FGFR3: variants seen among roughly 807,000 people sequenced by gnomAD.
The protein encoded by FGFR3 is fibroblast growth factor receptor 3, also known as FGFR-3.
A neutral mutation model predicts 82.9 loss-of-function variants in FGFR3; 25 were observed. The observed-to-expected ratio is 0.30, with a 90% CI of 0.22 to 0.42. The LOEUF (loss-of-function observed/expected upper bound fraction) is 0.42. FGFR3 is among the 10% of genes least tolerant of loss of function. FGFR3 has a pLI of 1.00. For synonymous variants in FGFR3, 620 were observed against 516.0 expected (o/e 1.20, Z -2.73); for missense variants, 1,026 against 1,161.0 (o/e 0.88, Z 1.69).
At position 1,806,603 on chromosome 4, in the gene FGFR3, C is replaced by G. The variant is rs142884145; in HGVS notation, c.2088C>G (p.Pro696=). Residue 696 remains proline (P), a synonymous_variant, in exon 16 of 18, where the codon CCC becomes CCG. Coordinates refer to ENST00000440486, the MANE Select transcript of FGFR3 (RefSeq NM_000142.5). ...TCACGCTGGGGGGCTCCCCGTACCCCGGCATCCCTGTGGAGGAGCTCTTCA... is the reference window on the plus strand; with the variant it reads ...TCACGCTGGGGGGCTCCCCGTACCCGGGCATCCCTGTGGAGGAGCTCTTCA... ...EIFTLGGSPY[P]GIPVEELFKL... is the part of the protein sequence containing the mutation. 1.2e-6 allele frequency: 2 copies of G among 1,613,214 alleles called. No homozygotes were observed. Among genetic ancestry groups the G allele is most frequent in the Non-Finnish European group, 1.7e-6 (2 of 1,179,958 alleles).
Position 1,808,642 on chromosome 4 carries a change from C to T in FGFR3, c.*1380C>T, listed in dbSNP as rs917160699. The T allele has an allele frequency of 2.6e-5, 6 of 231,618 alleles. No homozygotes were observed. Among genetic ancestry groups the T allele is most frequent in the Non-Finnish European group, 5.1e-5 (6 of 116,878 alleles). The allele number at this position is 231,618 out of a possible 1,614,324, so 14.3% of individuals were successfully genotyped here. ...AGAGTTTTATAGCCTGGACTGCTAC[C>T]TTTCAAAGCTTGGAGGGAAGCCGTG... On this transcript the variant is annotated 3_prime_UTR_variant, in exon 18 of 18. Transcript: ENST00000440486.
At chr4:1,804,720 T>A in intron 9 of FGFR3, 104 bp from the exon 10 acceptor site, 1 of 1,455,694 alleles carries the variant, frequency 6.9e-7, no homozygotes, top group Non-Finnish European at 9.4e-7. Flanking sequence ...TCAATGCTGG[T>A]GGAAGTCAGA....
chr4:1,799,952 G>T (rs1577269894), intron 4 of FGFR3, 140 bp downstream of exon 4: 3 of 913,636 alleles, frequency 3.3e-6, no homozygotes, highest in East Asian at 5.2e-5. Flanking sequence ...GTCCCCTCAG[G>T]ATACAGGAGG....
intron 9 of FGFR3, 56 bp downstream of exon 9, chr4:1,804,576 C>A: frequency 6.3e-7 from 1 of 1,598,654 alleles, no homozygotes; most frequent in Non-Finnish European, 8.5e-7. Flanking sequence ...CCTCCTGGAG[C>A]CCCACCTCGG....
chr4:1,797,457 C>T (rs1343759655), intron 2 of FGFR3, among the ~76,000 whole-genome samples: 1 of 152,164 alleles, frequency 6.6e-6, no homozygotes, highest in South Asian at 2.1e-4. Context: ...TGTGGCTGGC[C>T]TGGGGCTGCT....
intron 16 of FGFR3, 67 bp downstream of exon 16, chr4:1,806,750 G>T: frequency 6.3e-7 from 1 of 1,596,298 alleles, no homozygotes; most frequent in East Asian, 2.3e-5. Flanking sequence ...CTGGGCGGGG[G>T]AGGGACTGGC....
Position 1,799,336 on chromosome 4 carries a change from C to T in FGFR3, c.192C>T (p.Pro64=), listed in dbSNP as rs766462409. Residue 64 remains proline, a synonymous_variant, in exon 3 of 18, where the codon CCC becomes CCT. Coordinates refer to ENST00000440486, the MANE Select transcript of FGFR3 (RefSeq NM_000142.5). The part of the protein sequence containing the change: ...GDAVELSCPP[P]GGGPMGPTVW... ...CTGTGGAGCTGAGCTGTCCCCCGCC[C>T]GGGGGTGGTCCCATGGGGCCCACTG... 36 of 1,612,446 alleles carry T rather than the reference C, an allele frequency of 2.2e-5. No individual in the cohort carries two copies. In the Admixed American group the frequency reaches 2.5e-4, roughly 11 times the overall value.
intron 7 of FGFR3, chr4:1,802,877 C>G (rs765944113): frequency 2.6e-6 from 4 of 1,561,390 alleles, no homozygotes; most frequent in Non-Finnish European, 3.5e-6. Flanking sequence ...GGGGCTGCCT[C>G]GGGGGCGTGC....
intron 8 of FGFR3, 45 bp from the exon 9 acceptor site, chr4:1,804,285 T>TGG (rs4647926): frequency 2.2e-4 from 282 of 1,295,638 alleles, no homozygotes; most frequent in African/African-American, 8.3e-4. Context: ...GGGAGCCCCG[T>TGG]GGGGGGGGGG....
In FGFR3 at chr4:1,806,260, C is replaced by T. The variant is rs1297767255; in HGVS notation, c.1963C>T (p.Arg655Trp). Residue 655 changes from arginine (R) to tryptophan (W), a missense_variant, in exon 15 of 18, where the codon CGG (arginine) becomes TGG (tryptophan). Physicochemically the swap from Arg to Trp is moderately radical, Grantham distance 101. This residue lies in a region of FGFR3 where 45 missense variants were observed against 80.8 expected (regional missense o/e 0.56). Transcript: ENST00000440486. ...CCGCCTTCCCACACCCTCCCAGGGCCGGCTGCCCGTGAAGTGGATGGCGCC... is the reference window on the plus strand; with the variant it reads ...CCGCCTTCCCACACCCTCCCAGGGCTGGCTGCCCGTGAAGTGGATGGCGCC... The part of the protein sequence containing the change: ...LDYYKKTTNG[R>W]LPVKWMAPEA... 1 of 1,612,848 alleles carries T rather than the reference C, an allele frequency of 6.2e-7. No individual in the cohort carries two copies. Among genetic ancestry groups the T allele is most frequent in the Non-Finnish European group, 8.5e-7 (1 of 1,179,956 alleles).
chr4:1,793,927 C>T lies in FGFR3; in HGVS notation c.-8C>T. 1 of 1,270,376 alleles carries T rather than the reference C, an allele frequency of 7.9e-7. No homozygotes were observed. The highest frequency in any genetic ancestry group is 1.0e-6 in the Non-Finnish European group (1 of 992,180). The allele number at this position is 1,270,376 out of a possible 1,614,324, so 78.7% of individuals were successfully genotyped here. A position where few individuals can be genotyped will look rare whatever the true frequency, so the allele number is the denominator to read the frequency against. ...CTGCCTGAGGACGCCGCGGCCCCCG[C>T]CCCCGCCATGGGCGCCCCTGCCTGC... On this transcript the variant is annotated 5_prime_UTR_variant, in exon 2 of 18. Transcript: ENST00000440486.
Position 1,794,013 on chromosome 4 carries a change from A to G in FGFR3, c.79A>G (p.Thr27Ala), listed in dbSNP as rs1233540365. ...CGGCGCCTCCTCGGAGTCCTTGGGG[A>G]CGGAGCAGCGCGTCGTGGGGCGAGC... ...VAGASSESLGTEQRVVGRAAE... is the reference protein window; with the variant it reads ...VAGASSESLGAEQRVVGRAAE... The change falls in exon 2 of 18, where the codon ACG becomes GCG. Residue 27 changes from threonine (T) to alanine (A), a missense_variant. Physicochemically the swap from Thr to Ala is moderately conservative, Grantham distance 58 (BLOSUM62 0). This residue lies in a region of FGFR3 where 226 missense variants were observed against 222.0 expected (regional missense o/e 1.02). Coordinates refer to ENST00000440486, the MANE Select transcript of FGFR3 (RefSeq NM_000142.5). The G allele has an allele frequency of 2.1e-6, 3 of 1,415,138 alleles. No homozygotes were observed. Among genetic ancestry groups the G allele is most frequent in the Non-Finnish European group, 2.8e-6 (3 of 1,072,926 alleles). 87.7% of individuals were successfully genotyped at this position (1,415,138 alleles called of 1,614,324 possible).
At position 1,807,426 on chromosome 4, in the gene FGFR3, C is replaced by T. The variant is rs1357135319; in HGVS notation, c.*164C>T. On this transcript the variant is annotated 3_prime_UTR_variant, in exon 18 of 18. Transcript: ENST00000440486. ...GTGTGTGTGTGTGTGTGTGCACATC[C>T]GCGTGTGCCTGTGTGCGTGCGCATC... 2.1e-5 allele frequency: 22 copies of T among 1,071,836 alleles called. No individual in the cohort carries two copies. The highest frequency in any genetic ancestry group is 1.3e-4 in the East Asian group (5 of 38,792). The allele number at this position is 1,071,836 out of a possible 1,614,324, so 66.4% of individuals were successfully genotyped here. A position where few individuals can be genotyped will look rare whatever the true frequency, so the allele number is the denominator to read the frequency against.
chr4:1,804,500 C>T lies in FGFR3; in HGVS notation c.1246C>T (p.Arg416Cys), dbSNP rs146114742. ...LGSPTVHKISRFPLKRQVSLE... is the reference protein window; with the variant it reads ...LGSPTVHKISCFPLKRQVSLE... ...CTCCCCCACCGTGCACAAGATCTCC[C>T]GCTTCCCGCTCAAGCGACAGGTAAC... is the stretch of plus-strand genomic sequence containing the variant. Residue 416 changes from arginine to cysteine, a missense_variant, in exon 9 of 18, where the codon CGC becomes TGC. Arg to Cys is a radical substitution (Grantham distance 180). This residue lies in a region of FGFR3 where 256 missense variants were observed against 217.6 expected (regional missense o/e 1.18). Transcript: ENST00000440486. 1.1e-5 allele frequency: 18 copies of T among 1,612,802 alleles called. No individual in the cohort carries two copies. Among genetic ancestry groups the T allele is most frequent in the South Asian group, 5.5e-5 (5 of 91,088 alleles).
At position 1,807,870 on chromosome 4, in the gene FGFR3, T is replaced by C. The variant is rs921462423; in HGVS notation, c.*608T>C. 1 of 424,814 alleles carries C rather than the reference T, an allele frequency of 2.4e-6. No individual in the cohort carries two copies. Among genetic ancestry groups the C allele is most frequent in the African/African-American group, 2.0e-5 (1 of 50,454 alleles). The allele number at this position is 424,814 out of a possible 1,614,324, so 26.3% of individuals were successfully genotyped here. On this transcript the variant is annotated 3_prime_UTR_variant, in exon 18 of 18. Coordinates refer to ENST00000440486, the MANE Select transcript of FGFR3 (RefSeq NM_000142.5). ...TATTCCGGAAACTAGTGTACATTTC[T>C]ATAAATAGATGCTGTGTATATGGTA...
rs1175942402 is a variant in FGFR3, at chr4:1,807,383, CTGTGTGTGTGTGTGTGCGTGTG to C, written c.*136_*157del. The C allele has an allele frequency of 1.2e-5, 15 of 1,224,082 alleles. No individual in the cohort carries two copies. The highest frequency in any genetic ancestry group is 6.0e-5 in the East Asian group (2 of 33,184). 75.8% of individuals were successfully genotyped at this position (1,224,082 alleles called of 1,614,324 possible). Reference sequence around the variant, plus strand: ...AGAGACAGCTACACAGAGCTTTGGTCTGTGTGTGTGTGTGTGCGTGTGTGTGTGTGTGTGTGCACATCCGCGT... The same window carrying C: ...AGAGACAGCTACACAGAGCTTTGGTCTGTGTGTGTGTGTGCACATCCGCGT... On this transcript the variant is annotated 3_prime_UTR_variant, in exon 18 of 18. Coordinates refer to ENST00000440486, the MANE Select transcript of FGFR3 (RefSeq NM_000142.5).
intron 2 of FGFR3, among the ~76,000 whole-genome samples, chr4:1,795,848 A>G (rs1181810971): frequency 6.6e-6 from 1 of 151,106 alleles, no homozygotes; most frequent in East Asian, 1.9e-4. Context: ...AACCTCCCCC[A>G]CTCCTCCTCT....
At position 1,794,573 on chromosome 4, in the gene FGFR3, G is replaced by A. The variant is rs575303453; in HGVS notation, c.109+530G>A. On this transcript the variant is annotated intron_variant, in intron 2 of 17. Transcript: ENST00000440486. ...CGCTGCCGACCCTGCCCCTGCCTGGGGGCCGAGGGCGCTTCCCCGTGGGTG... is the reference window on the plus strand; with the variant it reads ...CGCTGCCGACCCTGCCCCTGCCTGGAGGCCGAGGGCGCTTCCCCGTGGGTG... Among the ~76,000 whole-genome samples the A allele has an allele frequency of 7.2e-4, 109 of 152,280 alleles. 1 individual carries two copies. The highest frequency in any genetic ancestry group is 7.1e-3 in the Admixed American group (108 of 15,308).
intron 2 of FGFR3, among the ~76,000 whole-genome samples, chr4:1,798,470 G>A (rs1720786401): frequency 6.6e-6 from 1 of 151,752 alleles, no homozygotes; most frequent in South Asian, 2.1e-4. Flanking sequence ...TTTCCGTCAT[G>A]ACCGCCGTGT....
Sources: gnomAD v4.1 joint callset for allele counts (sites outside exome capture counted in the v4.1 genomes callset) on GRCh38, gnomAD v4.1.1 for gene constraint, gnomAD v4.1.1 regional missense constraint, MANE v1.5 for transcripts, NCBI Gene and HGNC (gene_info 2026-07-23, HGNC 2026-07-21) for gene names.